The following NHS variants were observed in gnomAD, a reference collection of about 807,000 sequenced individuals.
NHS encodes the protein actin remodeling regulator NHS.
NHS carries 5 observed loss-of-function variants against 72.5 expected under a neutral mutation model. That is an observed-to-expected ratio of 0.07 (90% CI 0.04 to 0.14). The LOEUF is 0.14. Ranked by LOEUF, NHS falls within the 10% of genes least tolerant of loss-of-function variation. NHS has a pLI of 1.00. For synonymous variants in NHS, 464 were observed against 547.7 expected (o/e 0.85, Z 2.13); for missense variants, 1,072 against 1,355.7 (o/e 0.79, Z 3.29).
Position 17,727,691 on chromosome X carries a change from T to C in NHS, c.3585T>C (p.Thr1195=). The change falls in exon 7 of 9, where the codon ACT becomes ACC. Residue 1195 remains threonine, a synonymous_variant. Coordinates refer to ENST00000676302, the MANE Select transcript of NHS (RefSeq NM_001291867.2). The part of the protein sequence containing the change: ...ANKSVSRQYS[T]EDTILSFLDS... The stretch of plus-strand genomic sequence containing the variant: ...AATCAGTATCTCGTCAATACTCCAC[T>C]GAAGACACCATACTGTCCTTTTTAG... 8.3e-7 allele frequency: 1 copy of C among 1,211,747 alleles called. No homozygotes were observed. The highest frequency in any genetic ancestry group is 1.1e-6 in the Non-Finnish European group (1 of 895,287).
chrX:17,560,650 A>T (rs2065407395), intron 1 of NHS, among the ~76,000 whole-genome samples: 1 of 112,394 alleles, frequency 8.9e-6, no homozygotes, highest in Non-Finnish European at 1.9e-5. Context: ...CACTATGTGG[A>T]CATATAAACA....
intron 1 of NHS, among the ~76,000 whole-genome samples, chrX:17,534,899 G>A (rs1282241923): frequency 8.9e-6 from 1 of 111,802 alleles, no homozygotes; most frequent in African/African-American, 3.3e-5. Context: ...GTCAGCCTTC[G>A]AGCAGGGCAG....
chrX:17,470,300 G>A (rs1254284353), intron 1 of NHS, among the ~76,000 whole-genome samples: 2 of 110,574 alleles, frequency 1.8e-5, no homozygotes, highest in African/African-American at 6.6e-5. Context: ...CTACTCCCAC[G>A]CACTGCCCGT....
rs35562306 is a variant in NHS at position 17,501,355 on chromosome X, G to GAA, written c.565+125043_565+125044dup. Among the ~76,000 whole-genome samples, 867 of 98,225 alleles carry GAA rather than the reference G, an allele frequency of 8.8e-3. 18 individuals carry two copies. The highest frequency in any genetic ancestry group is 0.03 in the African/African-American group (815 of 26,920). 85.3% of individuals were successfully genotyped at this position (98,225 alleles called of 115,157 possible). On this transcript the variant is annotated intron_variant, in intron 1 of 8. Coordinates refer to ENST00000676302, the MANE Select transcript of NHS (RefSeq NM_001291867.2). Reference sequence around the variant, plus strand: ...GTGACAGAGCAAGACCCTATCTCAAGAAAAAAAAAAAGTGGGGGGATTAGG... The same window carrying GAA: ...GTGACAGAGCAAGACCCTATCTCAAGAAAAAAAAAAAAAGTGGGGGGATTAGG...
chrX:17,579,910 CT>C (rs1248827871), intron 1 of NHS, among the ~76,000 whole-genome samples: 3 of 111,044 alleles, frequency 2.7e-5, no homozygotes, highest in African/African-American at 9.8e-5. Flanking sequence ...TCCTCCCGGC[CT>C]TGGTGAGATG....
At position 17,727,708 on chromosome X, in the gene NHS, C is replaced by G; in HGVS notation, c.3602C>G (p.Ser1201Cys). 1 of 1,210,814 alleles carries G rather than the reference C, an allele frequency of 8.3e-7. No homozygotes were observed. Among genetic ancestry groups the G allele is most frequent in the Non-Finnish European group, 1.1e-6 (1 of 894,602 alleles). The stretch of plus-strand genomic sequence containing the variant: ...TACTCCACTGAAGACACCATACTGT[C>G]CTTTTTAGACTCTTCTGCAGTTGAG... ...RQYSTEDTIL[S>C]FLDSSAVEMG... Residue 1201 changes from serine (S) to cysteine (C), a missense_variant, in exon 7 of 9, where the codon TCC becomes TGC. Transcript: ENST00000676302.
intron 1 of NHS, among the ~76,000 whole-genome samples, chrX:17,642,001 A>C (rs982938759): frequency 9.0e-6 from 1 of 111,295 alleles, no homozygotes; most frequent in Non-Finnish European, 1.9e-5. Context: ...GCTGGAGTGC[A>C]ATGGCACAAT....
At chrX:17,562,710 G>A (rs751130460) in intron 1 of NHS, among the ~76,000 whole-genome samples, 1 of 112,160 alleles carries the variant, frequency 8.9e-6, no homozygotes, top group East Asian at 2.8e-4. Context: ...TTTAAAGAAA[G>A]AGAGTTTTAC....
intron 1 of NHS, among the ~76,000 whole-genome samples, chrX:17,421,821 C>T (rs909654956): frequency 2.7e-5 from 3 of 112,053 alleles, no homozygotes; most frequent in African/African-American, 9.7e-5. Flanking sequence ...AGGTGATCCG[C>T]CCACCTCAGC....
intron 1 of NHS, among the ~76,000 whole-genome samples, chrX:17,612,191 CT>C (rs76046011): frequency 2.3e-3 from 224 of 97,736 alleles, no homozygotes; most frequent in Non-Finnish European, 2.9e-3. Context: ...TTCCTCATGA[CT>C]TTTTTTTTTT....
At position 17,721,592 on chromosome X, in the gene NHS, C is replaced by G; in HGVS notation, c.1067C>G (p.Ala356Gly). The G allele has an allele frequency of 1.7e-6, 2 of 1,211,076 alleles. No individual in the cohort carries two copies. Among genetic ancestry groups the G allele is most frequent in the Non-Finnish European group, 2.2e-6 (2 of 895,102 alleles). ...CCAGAGGAGAAGATGAAACAAGATG[C>G]CCAAGTGATTTCTTCTTGCATTATT... is the stretch of plus-strand genomic sequence containing the variant. ...PTPEEKMKQD[A>G]QVISSCIIPI... Residue 356 changes from alanine to glycine, a missense_variant, in exon 5 of 9, where the codon GCC (alanine) becomes GGC (glycine). Physicochemically the swap from Ala to Gly is moderately conservative, Grantham distance 60. Transcript: ENST00000676302.
intron 1 of NHS, among the ~76,000 whole-genome samples, chrX:17,390,064 A>G (rs1376515789): frequency 8.9e-6 from 1 of 112,452 alleles, no homozygotes; most frequent in Admixed American, 9.4e-5. Context: ...GATGGAGGAC[A>G]AAATTGCTTA....
intron 1 of NHS, among the ~76,000 whole-genome samples, chrX:17,415,515 G>T (rs2064589256): frequency 9.0e-6 from 1 of 111,179 alleles, no homozygotes; most frequent in Admixed American, 9.6e-5. Flanking sequence ...TCGGCAGGGG[G>T]GACTTCCTTG....
At chrX:17,630,084 T>G (rs1296126922) in intron 1 of NHS, among the ~76,000 whole-genome samples, 1 of 104,121 alleles carries the variant, frequency 9.6e-6, no homozygotes, top group African/African-American at 3.5e-5. Flanking sequence ...CTGGAACTCA[T>G]GAGAAGGGCT....
chrX:17,526,193 G>T (rs1183907399), intron 1 of NHS, among the ~76,000 whole-genome samples: 1 of 112,953 alleles, frequency 8.9e-6, no homozygotes, highest in Non-Finnish European at 1.9e-5. Context: ...AAAATTTAGT[G>T]GCGCTGAACA....
chrX:17,446,191 C>T (rs1468708055), intron 1 of NHS, among the ~76,000 whole-genome samples: 1 of 110,597 alleles, frequency 9.0e-6, no homozygotes, highest in Non-Finnish European at 1.9e-5. Flanking sequence ...CTCAAAGCAG[C>T]CCTGAGAAAC....
chrX:17,453,490 A>G (rs1180015759), intron 1 of NHS, among the ~76,000 whole-genome samples: 1 of 111,730 alleles, frequency 9.0e-6, no homozygotes, highest in African/African-American at 3.3e-5. Flanking sequence ...AGATCTCATT[A>G]TTACCTCAAA....
intron 1 of NHS, 145 bp from the exon 2 acceptor site, chrX:17,687,597 C>A (rs1601836412): frequency 1.4e-6 from 1 of 739,609 alleles, no homozygotes; most frequent in East Asian, 3.2e-5. Context: ...CTTTCTCCGG[C>A]CTTGAGTTAG....
chrX:17,659,330 A>T (rs961764570), intron 1 of NHS, among the ~76,000 whole-genome samples: 1 of 112,192 alleles, frequency 8.9e-6, no homozygotes, highest in African/African-American at 3.2e-5. Flanking sequence ...GCAAATACAG[A>T]TCTCCATCTT....
Sources: gnomAD v4.1 joint callset for allele counts (sites outside exome capture counted in the v4.1 genomes callset) on GRCh38, gnomAD v4.1.1 for gene constraint, MANE v1.5 for transcripts, NCBI Gene and HGNC (gene_info 2026-07-23, HGNC 2026-07-21) for gene names.